The following SGPP1 variants were observed in gnomAD, a reference collection of about 807,000 sequenced individuals.
SGPP1 encodes the protein hSPP1.
In SGPP1, 21 loss-of-function variants were observed where a neutral mutation model predicts 33.0. That is an observed-to-expected ratio of 0.64 (90% CI 0.45 to 0.92). SGPP1 has a LOEUF of 0.92. Ranked by LOEUF, SGPP1 falls within the 40% of genes least tolerant of loss-of-function variation. The probability of loss-of-function intolerance (pLI) is 0.00; values close to 1 mark genes in which losing one functional copy is unlikely to be tolerated. For missense variants in SGPP1, 543 were observed against 589.4 expected (o/e 0.92, Z 0.81); for synonymous variants, 239 against 241.2 (o/e 0.99, Z 0.08).
At chr14:63,727,199 G>A (rs1885899758) in intron 1 of SGPP1, 62 bp downstream of exon 1, 3 of 1,513,786 alleles carry the variant, frequency 2.0e-6, no homozygotes, top group African/African-American at 2.8e-5. Context: ...AATGCAGAGA[G>A]CAAAGAGAAC....
chr14:63,715,492 T>C (rs1014761530), intron 1 of SGPP1, among the ~76,000 whole-genome samples: 8 of 152,284 alleles, frequency 5.3e-5, no homozygotes, highest in Admixed American at 1.3e-4. Context: ...AACCCCCTTT[T>C]TTTTGAGCCG....
intron 1 of SGPP1, among the ~76,000 whole-genome samples, chr14:63,718,555 T>C (rs949170486): frequency 6.6e-6 from 1 of 152,042 alleles, no homozygotes; most frequent in Non-Finnish European, 1.5e-5. Flanking sequence ...CCTTAGGACA[T>C]ATATGGATAT....
rs370538397 is a variant in SGPP1 at position 63,688,464 on chromosome 14, G to A, written c.775-1808C>T. Among the ~76,000 whole-genome samples, 3 of 151,972 alleles carry A rather than the reference G, an allele frequency of 2.0e-5. No homozygotes were observed. In the East Asian group the frequency reaches 5.8e-4, roughly 29 times the overall value. The stretch of plus-strand genomic sequence containing the variant: ...TAGGAGCAATTGTGTAGACTTGATA[G>A]AAGATGGTTTACTTGAGGAAACAAA... On this transcript the variant is annotated intron_variant, in intron 2 of 2. Coordinates refer to ENST00000247225, the MANE Select transcript of SGPP1 (RefSeq NM_030791.4).
chr14:63,700,113 T>G (rs1052297075), intron 1 of SGPP1, among the ~76,000 whole-genome samples: 3 of 151,916 alleles, frequency 2.0e-5, no homozygotes, highest in Non-Finnish European at 4.4e-5. Context: ...CAGATGGGTA[T>G]CTCAAACTCC....
chr14:63,726,240 G>T (rs1566539504), intron 1 of SGPP1, among the ~76,000 whole-genome samples: 1 of 152,098 alleles, frequency 6.6e-6, no homozygotes, highest in African/African-American at 2.4e-5. Flanking sequence ...ATGATTTTGT[G>T]AAGTAAAGGG....
intron 2 of SGPP1, among the ~76,000 whole-genome samples, chr14:63,690,882 T>C (rs1369501088): frequency 2.0e-5 from 3 of 151,916 alleles, no homozygotes; most frequent in Non-Finnish European, 4.4e-5. Context: ...ACTCAGCTAA[T>C]TTTTGTATTT....
Position 63,689,476 on chromosome 14 carries a change from T to C in SGPP1, c.775-2820A>G, listed in dbSNP as rs374595341. On this transcript the variant is annotated intron_variant, in intron 2 of 2. Coordinates refer to ENST00000247225, the MANE Select transcript of SGPP1 (RefSeq NM_030791.4). ...CATAAATACCTATTTTTTCAAATCG[T>C]TTTACCACATATCTTCAAGCAAAAT... Among the ~76,000 whole-genome samples, 13 of 152,086 alleles carry C rather than the reference T, an allele frequency of 8.5e-5. 1 individual carries two copies. The highest frequency in any genetic ancestry group is 2.9e-4 in the African/African-American group (12 of 41,518).
chr14:63,705,489 G>A (rs968397928), intron 1 of SGPP1, among the ~76,000 whole-genome samples: 4 of 151,240 alleles, frequency 2.6e-5, no homozygotes, highest in African/African-American at 4.9e-5. Flanking sequence ...GCAACAAGGC[G>A]AAACCCCATC....
At chr14:63,690,394 C>T (rs748919493) in intron 2 of SGPP1, among the ~76,000 whole-genome samples, 9 of 152,234 alleles carry the variant, frequency 5.9e-5, no homozygotes, top group African/African-American at 1.9e-4. Flanking sequence ...TGACAGGGTC[C>T]GCAGTTGCAG....
chr14:63,718,502 T>C lies in SGPP1; in HGVS notation c.684+8759A>G, dbSNP rs553041220. Among the ~76,000 whole-genome samples the C allele has an allele frequency of 2.0e-4, 30 of 152,198 alleles. 1 individual carries two copies. Among genetic ancestry groups the C allele is most frequent in the Admixed American group, 8.5e-4 (13 of 15,272 alleles). On this transcript the variant is annotated intron_variant, in intron 1 of 2. Coordinates refer to ENST00000247225, the MANE Select transcript of SGPP1 (RefSeq NM_030791.4). ...AACCATATTGGGACATTCTATATCA[T>C]ACATTGGAACATTATACAAAAATAA...
Position 63,724,882 on chromosome 14 carries a change from A to G in SGPP1, c.684+2379T>C, listed in dbSNP as rs1224424884. Among the ~76,000 whole-genome samples, 3 of 130,584 alleles carry G rather than the reference A, an allele frequency of 2.3e-5. No individual in the cohort carries two copies. In the South Asian group the frequency reaches 7.3e-4, roughly 32 times the overall value. The allele number at this position is 130,584 out of a possible 152,430, so 85.7% of individuals were successfully genotyped here. On this transcript the variant is annotated intron_variant, in intron 1 of 2. Transcript: ENST00000247225. The stretch of plus-strand genomic sequence containing the variant: ...GGGCAACAGAGCGAGACTCCGTCTT[A>G]AAAAAAAAAAAGGAAAAGCTGGCAC...
chr14:63,716,188 C>A (rs938574851), intron 1 of SGPP1, among the ~76,000 whole-genome samples: 2 of 151,970 alleles, frequency 1.3e-5, no homozygotes, highest in African/African-American at 4.8e-5. Context: ...AAGATAAATA[C>A]CTTAAGATTG....
At position 63,727,302 on chromosome 14, in the gene SGPP1, T is replaced by A; in HGVS notation, c.643A>T (p.Ile215Phe). The A allele has an allele frequency of 6.2e-7, 1 of 1,613,870 alleles. No homozygotes were observed. The highest frequency in any genetic ancestry group is 1.7e-5 in the Admixed American group (1 of 59,998). Residue 215 changes from isoleucine (I) to phenylalanine (F), a missense_variant, in exon 1 of 3, where the codon ATC (isoleucine) becomes TTC (phenylalanine). Transcript: ENST00000247225. ...GTGAGGAGGACCATAGAAATGGGGA[T>A]GGCGGTGCCGGACATGGCATGGGTG... ...PSTHAMSGTAIPISMVLLTYG... is the reference protein window; with the variant it reads ...PSTHAMSGTAFPISMVLLTYG...
intron 1 of SGPP1, among the ~76,000 whole-genome samples, chr14:63,706,936 G>A (rs1319281459): frequency 2.6e-5 from 4 of 151,190 alleles, no homozygotes; most frequent in Admixed American, 6.6e-5. Context: ...CTAGCTACTC[G>A]GGAGGCTGAG....
chr14:63,703,800 G>GTTTT (rs57439548), intron 1 of SGPP1, among the ~76,000 whole-genome samples: 44 of 98,908 alleles, frequency 4.4e-4, no homozygotes, highest in African/African-American at 7.9e-4. Flanking sequence ...CCCTATTTAA[G>GTTTT]TTTTTTTTTT....
intron 1 of SGPP1, among the ~76,000 whole-genome samples, chr14:63,721,582 C>T (rs979581540): frequency 6.6e-6 from 1 of 152,178 alleles, no homozygotes; most frequent in African/African-American, 2.4e-5. Flanking sequence ...TCCAGAATTA[C>T]CATAGTGATC....
chr14:63,698,724 G>T, intron 1 of SGPP1, 66 bp from the exon 2 acceptor site: 1 of 891,854 alleles, frequency 1.1e-6, no homozygotes, highest in Non-Finnish European at 1.7e-6. Flanking sequence ...ACAAATAAAA[G>T]ACAAATCAAA....
At chr14:63,705,843 T>C (rs2139642639) in intron 1 of SGPP1, among the ~76,000 whole-genome samples, 1 of 152,270 alleles carries the variant, frequency 6.6e-6, no homozygotes, top group Non-Finnish European at 1.5e-5. Context: ...GGATGTAAAA[T>C]GAAGCAGCTG....
chr14:63,727,643 G>A lies in SGPP1; in HGVS notation c.302C>T (p.Ser101Leu), dbSNP rs757862865. Residue 101 changes from serine (S) to leucine (L), a missense_variant, in exon 1 of 3, where the codon TCG (serine) becomes TTG (leucine). Transcript: ENST00000247225. ...GCGCAGAGCGCCCGCGCGCCGCGGC[G>A]AGGCCGGGCCCAGCTCGGCCGCCAG... is the stretch of plus-strand genomic sequence containing the variant. ...NGLAAELGPA[S>L]PRRAGALRRN... 9 of 1,377,620 alleles carry A rather than the reference G, an allele frequency of 6.5e-6. No homozygotes were observed. The African/African-American group carries it at 9.1e-5, about 14-fold the overall frequency. The allele number at this position is 1,377,620 out of a possible 1,614,324, so 85.3% of individuals were successfully genotyped here. A position where few individuals can be genotyped will look rare whatever the true frequency, so the allele number is the denominator to read the frequency against.
Sources: allele counts gnomAD v4.1 joint callset (sites outside exome capture counted in the v4.1 genomes callset), GRCh38; gene constraint gnomAD v4.1.1; transcripts MANE v1.5; gene names NCBI Gene and HGNC (gene_info 2026-07-23, HGNC 2026-07-21).